The following SMYD1 variants were observed in gnomAD, a reference collection of about 807,000 sequenced individuals.
SMYD1 encodes SET and MYND domain containing 1.
In SMYD1, 49 loss-of-function variants were observed where a neutral mutation model predicts 54.0. The ratio of observed to expected loss-of-function variants is 0.91; its 90% CI spans 0.72 to 1.15. The LOEUF is 1.15. Among genes scored for constraint, SMYD1 ranks in the 50% most tolerant of loss-of-function variants. The pLI is 0.00. For synonymous variants in SMYD1, 269 were observed against 234.2 expected, an observed-to-expected ratio of 1.15 and a Z score of -1.36; for missense variants, 653 against 639.6, an observed-to-expected ratio of 1.02 and a Z score of -0.23.
At chr2:88,103,582 TTCTCAGCTGGC>T (rs929414571) in intron 7 of SMYD1, among the ~76,000 whole-genome samples, 7 of 152,112 alleles carry the variant, frequency 4.6e-5, no homozygotes, top group African/African-American at 1.7e-4. Flanking sequence ...GCACCAGGGA[TTCTCAGCTGGC>T]TCTACACTAG....
chr2:88,097,335 G>A (rs960710296), intron 6 of SMYD1, among the ~76,000 whole-genome samples: 53 of 152,324 alleles, frequency 3.5e-4, no homozygotes, highest in Non-Finnish European at 4.6e-4. Context: ...GAGCAGCAGA[G>A]GAAGGCTTGC....
intron 2 of SMYD1, among the ~76,000 whole-genome samples, chr2:88,085,748 A>G (rs1010271361): frequency 1.3e-5 from 2 of 152,018 alleles, no homozygotes; most frequent in African/African-American, 4.8e-5. Flanking sequence ...GCTGAGTCGT[A>G]TTTTCCCCAG....
Position 88,096,797 on chromosome 2 carries a change from C to T in SMYD1, c.888+13C>T. The T allele has an allele frequency of 6.2e-7, 1 of 1,608,254 alleles. No homozygotes were observed. Among genetic ancestry groups the T allele is most frequent in the Non-Finnish European group, 8.5e-7 (1 of 1,177,228 alleles). On this transcript the variant is annotated intron_variant, in intron 6 of 9. Coordinates refer to ENST00000419482, the MANE Select transcript of SMYD1 (RefSeq NM_198274.4). ...AGACAACCCCAAGGTACACACAGCC[C>T]TGCTGCTGAGGTGTTTGTGTCTGTC...
intron 1 of SMYD1, among the ~76,000 whole-genome samples, chr2:88,073,968 C>G (rs893919232): frequency 6.6e-6 from 1 of 152,032 alleles, no homozygotes; most frequent in Non-Finnish European, 1.5e-5. Flanking sequence ...TTACCTAGCT[C>G]GATGCACATA....
chr2:88,107,670 C>T (rs896813433), intron 8 of SMYD1, among the ~76,000 whole-genome samples: 18 of 152,214 alleles, frequency 1.2e-4, no homozygotes, highest in Non-Finnish European at 2.5e-4. Flanking sequence ...GCCTCGCTGC[C>T]GCCTTGCAGT....
At chr2:88,081,642 G>T (rs1338196468) in intron 1 of SMYD1, among the ~76,000 whole-genome samples, 4 of 151,994 alleles carry the variant, frequency 2.6e-5, no homozygotes, top group Non-Finnish European at 4.4e-5. Flanking sequence ...TACCATGTTG[G>T]CCAGGCTGTT....
chr2:88,105,371 G>A (rs981438961), intron 7 of SMYD1, among the ~76,000 whole-genome samples: 16 of 101,658 alleles, frequency 1.6e-4, no homozygotes, highest in South Asian at 3.8e-4. Context: ...ATATGCGCAT[G>A]CATATATACA....
At chr2:88,100,232 T>A (rs1452771074) in intron 6 of SMYD1, among the ~76,000 whole-genome samples, 1 of 152,202 alleles carries the variant, frequency 6.6e-6, no homozygotes, top group Non-Finnish European at 1.5e-5. Context: ...ATTTATCACA[T>A]GTTGCACTTA....
At chr2:88,092,598 C>T (rs923377668) in intron 4 of SMYD1, among the ~76,000 whole-genome samples, 1 of 152,208 alleles carries the variant, frequency 6.6e-6, no homozygotes, top group African/African-American at 2.4e-5. Context: ...AAACCAGGCT[C>T]TTAAGTAATT....
chr2:88,068,863 C>T (rs928704782), intron 1 of SMYD1, among the ~76,000 whole-genome samples: 3 of 152,010 alleles, frequency 2.0e-5, no homozygotes, highest in Non-Finnish European at 4.4e-5. Context: ...ATCCATTCCC[C>T]TATTGAGAGA....
chr2:88,103,116 T>TA lies in SMYD1; in HGVS notation c.948dup (p.Asp317ArgfsTer11), dbSNP rs1390135829. Reference sequence around the variant, plus strand: ...TTCTCCAAGGATACATTGGAAAAGATAGACAAGGCTCGTTCCGAGGGTTTG... The same window carrying TA: ...TTCTCCAAGGATACATTGGAAAAGATAAGACAAGGCTCGTTCCGAGGGTTTG... On this transcript the variant is annotated frameshift_variant, in exon 7 of 10. Transcript: ENST00000419482. LOFTEE classifies it high-confidence loss of function. The TA allele has an allele frequency of 6.2e-7, 1 of 1,613,938 alleles. No homozygotes were observed. The highest frequency in any genetic ancestry group is 2.2e-5 in the East Asian group (1 of 44,868).
Position 88,067,854 on chromosome 2 carries a change from C to A in SMYD1, c.-11C>A, listed in dbSNP as rs1673862658. On this transcript the variant is annotated 5_prime_UTR_variant, in exon 1 of 10. Transcript: ENST00000419482. ...TTAAATAACTGCCGCGCTGGCCTGA[C>A]AGTCTCTGAGATGACAATAGGGAGA... 6.2e-7 allele frequency: 1 copy of A among 1,612,082 alleles called. No individual in the cohort carries two copies. Among genetic ancestry groups the A allele is most frequent in the African/African-American group, 1.3e-5 (1 of 74,782 alleles).
rs113436752 is a variant in SMYD1, at chr2:88,097,824, T to C, written c.888+1040T>C. On this transcript the variant is annotated intron_variant, in intron 6 of 9. Coordinates refer to ENST00000419482, the MANE Select transcript of SMYD1 (RefSeq NM_198274.4). ...AAAGGCACACACACACACACACACA[T>C]GCACACCCATGTGCATGCAAGCATA... Among the ~76,000 whole-genome samples, 245 of 140,256 alleles carry C rather than the reference T, an allele frequency of 1.7e-3. 5 individuals carry two copies. The highest frequency in any genetic ancestry group is 1.2e-3 in the African/African-American group (43 of 37,244). The allele number at this position is 140,256 out of a possible 152,430, so 92.0% of individuals were successfully genotyped here.
intron 2 of SMYD1, among the ~76,000 whole-genome samples, chr2:88,087,293 C>T (rs898434569): frequency 1.3e-5 from 2 of 152,086 alleles, no homozygotes; most frequent in African/African-American, 4.8e-5. Context: ...TGATGCAGGG[C>T]TCATCCCAGT....
At position 88,112,598 on chromosome 2, in the gene SMYD1, T is replaced by C. The variant is rs1242839649; in HGVS notation, c.*2086T>C. 3.7e-5 allele frequency: 6 copies of C among 161,158 alleles called. No individual in the cohort carries two copies. The East Asian group carries it at 7.1e-4, about 19-fold the overall frequency. The allele number at this position is 161,158 out of a possible 1,614,324, so 10.0% of individuals were successfully genotyped here. On this transcript the variant is annotated 3_prime_UTR_variant, in exon 10 of 10. Transcript: ENST00000419482. The stretch of plus-strand genomic sequence containing the variant: ...GTTTTTTTTAGTTGTATAGTTATCA[T>C]CTGCCTTTCTTCACTTTGCATTTCT...
At chr2:88,069,287 A>T (rs2103972652) in intron 1 of SMYD1, among the ~76,000 whole-genome samples, 1 of 152,324 alleles carries the variant, frequency 6.6e-6, no homozygotes, top group East Asian at 1.9e-4. Context: ...TAACTTGATT[A>T]GTATTCACAT....
Position 88,096,663 on chromosome 2 carries a change from T to C in SMYD1, c.767T>C (p.Leu256Pro). The part of the protein sequence containing the change: ...EELTVSYIDF[L>P]NVSEERKRQL... ...CTGACTGTGTCCTATATTGACTTCC[T>C]CAACGTTAGTGAAGAACGCAAGAGG... The change falls in exon 6 of 10, where the codon CTC becomes CCC. Residue 256 changes from leucine (L) to proline (P), a missense_variant. Physicochemically the swap from Leu to Pro is moderately conservative, Grantham distance 98 (BLOSUM62 -3). Transcript: ENST00000419482. The C allele has an allele frequency of 6.2e-7, 1 of 1,614,206 alleles. No individual in the cohort carries two copies. The highest frequency in any genetic ancestry group is 8.5e-7 in the Non-Finnish European group (1 of 1,180,028).
At chr2:88,095,936 C>T (rs1674576281) in intron 5 of SMYD1, among the ~76,000 whole-genome samples, 1 of 152,212 alleles carries the variant, frequency 6.6e-6, no homozygotes, top group Admixed American at 6.5e-5. Context: ...GAAATGCCAT[C>T]TGCCCTTGCT....
intron 1 of SMYD1, among the ~76,000 whole-genome samples, chr2:88,074,648 G>A (rs555115640): frequency 6.6e-6 from 1 of 152,190 alleles, no homozygotes; most frequent in African/African-American, 2.4e-5. Context: ...AGGACAGTTA[G>A]TGGATTTTTT....
Sources: allele counts gnomAD v4.1 joint callset (sites outside exome capture counted in the v4.1 genomes callset), GRCh38; gene constraint gnomAD v4.1.1; transcripts MANE v1.5; gene names NCBI Gene and HGNC (gene_info 2026-07-23, HGNC 2026-07-21).